Variants in BTG4 observed in about 807,000 individuals in gnomAD.
BTG4 encodes the protein protein BTG4.
A neutral mutation model predicts 19.3 loss-of-function variants in BTG4; 10 were observed. The ratio of observed to expected loss-of-function variants is 0.52; its 90% CI spans 0.32 to 0.88. The LOEUF (loss-of-function observed/expected upper bound fraction) is 0.88, where lower values mean the gene tolerates loss of function less well. BTG4 is among the 40% of genes least tolerant of loss of function. The pLI, the probability that BTG4 is intolerant of heterozygous loss-of-function variation, is 0.04. For synonymous variants in BTG4, 91 were observed against 95.7 expected (o/e 0.95, Z 0.29); for missense variants, 238 against 281.9 (o/e 0.84, Z 1.11).
At chr11:111,503,134 C>T (rs1314704844) in intron 1 of BTG4, among the ~76,000 whole-genome samples, 1 of 152,148 alleles carries the variant, frequency 6.6e-6, no homozygotes, top group African/African-American at 2.4e-5. Flanking sequence ...AAACCAAATA[C>T]ATACACAAGT....
intron 4 of BTG4, chr11:111,496,381 G>C (rs1865732972): frequency 6.6e-6 from 1 of 152,088 alleles, no homozygotes; most frequent in Admixed American, 6.6e-5. Flanking sequence ...TTCTGTGCTT[G>C]AGAATCAAAT....
the BTG4 span, among the ~76,000 whole-genome samples, chr11:111,445,749 C>A: frequency 1.3e-5 from 2 of 152,160 alleles, no homozygotes; most frequent in African/African-American, 4.8e-5. Context: ...GTGACCTGAC[C>A]TTGTGGGAAT....
At chr11:111,456,716 T>A in the BTG4 span, 1 of 349,514 alleles carries the variant, frequency 2.9e-6, no homozygotes, top group Non-Finnish European at 6.0e-6. This position sits in a 1 kb window ranked among gnomAD's most constrained non-coding sequence, Gnocchi z 4.2. Context: ...GCTACCCTGG[T>A]GCCCACTATG....
At chr11:111,456,246 C>T in the BTG4 span, among the ~76,000 whole-genome samples, 3 of 152,282 alleles carry the variant, frequency 2.0e-5, no homozygotes, top group South Asian at 2.1e-4. The surrounding 1 kb of genome is among the most constrained non-coding windows in gnomAD (Gnocchi z 4.2). Context: ...CTGGGAATCC[C>T]GTAGCCCCCC....
At chr11:111,476,337 A>G (rs888999104) in intron 5 of BTG4, among the ~76,000 whole-genome samples, 2 of 152,144 alleles carry the variant, frequency 1.3e-5, no homozygotes, top group African/African-American at 2.4e-5. Flanking sequence ...GTCTTTTGTC[A>G]TAATTAAGAG....
intron 5 of BTG4, among the ~76,000 whole-genome samples, chr11:111,470,659 G>T (rs1316019102): frequency 6.6e-6 from 1 of 152,166 alleles, no homozygotes; most frequent in East Asian, 1.9e-4. Flanking sequence ...GTTTACACCT[G>T]TAATCTCTGC....
chr11:111,498,677 G>A lies in BTG4; in HGVS notation c.100C>T (p.Leu34=). 1.2e-6 allele frequency: 2 copies of A among 1,613,714 alleles called. No individual in the cohort carries two copies. The highest frequency in any genetic ancestry group is 1.7e-6 in the Non-Finnish European group (2 of 1,179,896). The change falls in exon 2 of 5, where the codon CTG becomes TTG. Residue 34 remains leucine, a synonymous_variant. Coordinates refer to ENST00000692032, the MANE Select transcript of BTG4 (RefSeq NM_001367975.1). ...TATGTTTCAAACAAGATCGTCATCA[G>A]CTTTTCTGCAAAGTCTTCTATTTGC... The part of the protein sequence containing the change: ...KQQIEDFAEK[L]MTILFETYRS...
At chr11:111,407,682 C>T in the BTG4 span, among the ~76,000 whole-genome samples, 3 of 152,108 alleles carry the variant, frequency 2.0e-5, no homozygotes, top group African/African-American at 7.2e-5. Flanking sequence ...AAAATAAAAG[C>T]ATAATAGTCA....
At chr11:111,483,238 G>A (rs1397029388) in intron 5 of BTG4, among the ~76,000 whole-genome samples, 1 of 152,164 alleles carries the variant, frequency 6.6e-6, no homozygotes, top group East Asian at 1.9e-4. Flanking sequence ...CTTTTAATAT[G>A]TGGAAAGCCT....
the BTG4 span, among the ~76,000 whole-genome samples, chr11:111,387,856 T>C: frequency 1.3e-5 from 2 of 152,204 alleles, no homozygotes; most frequent in Non-Finnish European, 2.9e-5. Context: ...ACTCACCATG[T>C]GGTCTGTCCA....
At position 111,504,702 on chromosome 11, in the gene BTG4, T is replaced by C. The variant is rs558668676; in HGVS notation, c.-26-5900A>G. ...TTATCTCTGTTCACTGACAATATGA[T>C]TGTATACCTAGAAAACCCTAAAGAC... On this transcript the variant is annotated intron_variant, in intron 1 of 4. Transcript: ENST00000692032. Among the ~76,000 whole-genome samples the C allele has an allele frequency of 3.3e-5, 5 of 152,182 alleles. No homozygotes were observed. The East Asian group carries it at 5.8e-4, about 18-fold the overall frequency.
intron 5 of BTG4, among the ~76,000 whole-genome samples, chr11:111,468,458 T>A (rs957238721): frequency 1.3e-5 from 2 of 152,196 alleles, no homozygotes; most frequent in Non-Finnish European, 2.9e-5. Context: ...ATCACAGAGT[T>A]AGCAAGAGTT....
intron 1 of BTG4, among the ~76,000 whole-genome samples, chr11:111,502,577 T>C (rs1280979307): frequency 1.3e-5 from 2 of 152,220 alleles, no homozygotes; most frequent in Non-Finnish European, 2.9e-5. Flanking sequence ...TTAGGGTAAC[T>C]CCTTGTATAC....
At chr11:111,439,126 C>T in the BTG4 span, among the ~76,000 whole-genome samples, 1 of 152,222 alleles carries the variant, frequency 6.6e-6, no homozygotes, top group African/African-American at 2.4e-5. Context: ...CATATAATCA[C>T]ACAATGCCAG....
downstream of BTG4, among the ~76,000 whole-genome samples, chr11:111,490,582 G>A (rs147834643): frequency 4.6e-5 from 7 of 152,054 alleles, no homozygotes; most frequent in Non-Finnish European, 8.8e-5. Context: ...AATAAACAAC[G>A]CACTCAATTA....
At chr11:111,456,594 G>C in the BTG4 span, 2 of 454,302 alleles carry the variant, frequency 4.4e-6, no homozygotes, top group South Asian at 3.1e-5. This position sits in a 1 kb window ranked among gnomAD's most constrained non-coding sequence, Gnocchi z 4.2. Flanking sequence ...CCAACTCCTT[G>C]ATGCTTCCAG....
In BTG4 at chr11:111,470,915, T is replaced by G. The variant is rs546114812; in HGVS notation, c.663-3234A>C. Among the ~76,000 whole-genome samples the G allele has an allele frequency of 2.6e-5, 4 of 152,078 alleles. No homozygotes were observed. The South Asian group carries it at 8.3e-4, about 32-fold the overall frequency. The stretch of plus-strand genomic sequence containing the variant: ...CTGCACTCTAGCCTGGGCAACAGAG[T>G]GAGATCCTATCTCAAAAAATACAAT... On this transcript the variant is annotated intron_variant, in intron 5 of 5. Transcript: ENST00000356018.
intron 5 of BTG4, among the ~76,000 whole-genome samples, chr11:111,477,263 G>A (rs1386019019): frequency 2.0e-5 from 3 of 152,048 alleles, no homozygotes; most frequent in African/African-American, 2.4e-5. Context: ...TGCATTATGC[G>A]TTTTTATTGC....
the BTG4 span, among the ~76,000 whole-genome samples, chr11:111,445,700 T>C: frequency 6.6e-6 from 1 of 152,234 alleles, no homozygotes; most frequent in Non-Finnish European, 1.5e-5. Flanking sequence ...AACTCTATTT[T>C]AGTCTTTTCC....
Sources: gnomAD v4.1 joint callset for allele counts (sites outside exome capture counted in the v4.1 genomes callset) on GRCh38, gnomAD v4.1.1 for gene constraint, Gnocchi (gnomAD v3.1) non-coding constraint, MANE v1.5 for transcripts, NCBI Gene and HGNC (gene_info 2026-07-23, HGNC 2026-07-21) for gene names.